Variants in ADCY3 observed in about 807,000 individuals in gnomAD.
The protein encoded by ADCY3 is adenylate cyclase type 3.
A neutral mutation model predicts 119.4 loss-of-function variants in ADCY3; 70 were observed. The observed-to-expected ratio is 0.59, with a 90% CI of 0.48 to 0.72. The LOEUF is 0.72. Ranked by LOEUF, ADCY3 falls within the 30% of genes least tolerant of loss-of-function variation. The probability of loss-of-function intolerance (pLI) is 0.00; values close to 1 mark genes in which losing one functional copy is unlikely to be tolerated. For synonymous variants in ADCY3, 672 were observed against 621.4 expected (o/e 1.08, Z -1.21); for missense variants, 1,238 against 1,541.6 (o/e 0.80, Z 3.30).
In ADCY3 at chr2:24,834,720, A is replaced by G; in HGVS notation, c.1805+74T>C. The G allele has an allele frequency of 6.2e-7, 1 of 1,602,302 alleles. No homozygotes were observed. Among genetic ancestry groups the G allele is most frequent in the South Asian group, 1.1e-5 (1 of 90,730 alleles). ...GCCTAGCAGGGGGGCCGTATTTGGGATGCTCAGTTTCCTGAATCCCTTGTC... is the reference window on the plus strand; with the variant it reads ...GCCTAGCAGGGGGGCCGTATTTGGGGTGCTCAGTTTCCTGAATCCCTTGTC... On this transcript the variant is annotated intron_variant, in intron 10 of 21. Coordinates refer to ENST00000679454, the MANE Select transcript of ADCY3 (RefSeq NM_004036.5). This position sits in a 1 kb window ranked among gnomAD's most constrained non-coding sequence, Gnocchi z 4.2.
Position 24,834,691 on chromosome 2 carries a change from C to T in ADCY3, c.1806-45G>A, listed in dbSNP as rs923434070. 1 of 1,606,418 alleles carries T rather than the reference C, an allele frequency of 6.2e-7. No individual in the cohort carries two copies. The highest frequency in any genetic ancestry group is 1.3e-5 in the African/African-American group (1 of 74,788). ...CATGAATCCCAAATGCCACATCTGC[C>T]TTGGCCTAGCAGGGGGGCCGTATTT... On this transcript the variant is annotated intron_variant, in intron 10 of 21. Coordinates refer to ENST00000679454, the MANE Select transcript of ADCY3 (RefSeq NM_004036.5). The surrounding 1 kb of genome is among the most constrained non-coding windows in gnomAD (Gnocchi z 4.2).
intron 2 of ADCY3, among the ~76,000 whole-genome samples, chr2:24,913,445 G>A (rs1208504513): frequency 6.6e-6 from 1 of 152,204 alleles, no homozygotes; most frequent in Non-Finnish European, 1.5e-5. Flanking sequence ...AGAAAAGTAG[G>A]AGGCCCAGAT....
rs534922261 is a variant in ADCY3, at chr2:24,840,087, C to T, written c.1197-56G>A. The T allele has an allele frequency of 1.6e-4, 251 of 1,561,648 alleles. No homozygotes were observed. The African/African-American group carries it at 3.2e-3, about 20-fold the overall frequency. ...GGTGTGGCCTTCACGAGGCAGCCAG[C>T]TGCCCCTGCTCCTGCAGGAGAAATT... On this transcript the variant is annotated intron_variant, in intron 6 of 21. Coordinates refer to ENST00000679454, the MANE Select transcript of ADCY3 (RefSeq NM_004036.5).
intron 3 of ADCY3, among the ~76,000 whole-genome samples, chr2:24,871,266 G>A (rs1374202215): frequency 1.3e-5 from 2 of 152,148 alleles, no homozygotes; most frequent in African/African-American, 4.8e-5. Flanking sequence ...TACAAGCCAG[G>A]AAAGGAGGAT....
intron 11 of ADCY3, among the ~76,000 whole-genome samples, chr2:24,833,177 C>G: frequency 6.6e-6 from 1 of 152,248 alleles, no homozygotes; most frequent in African/African-American, 2.4e-5. Flanking sequence ...TATGTCACAA[C>G]AGGGGACTCC....
Position 24,822,685 on chromosome 2 carries a change from A to C in ADCY3, c.2884-55T>G, listed in dbSNP as rs547864204. 8 of 1,599,352 alleles carry C rather than the reference A, an allele frequency of 5.0e-6. No homozygotes were observed. In the East Asian group the frequency reaches 1.8e-4, roughly 36 times the overall value. ...AGCAGTCAAGGGAGAGGAATGACCC[A>C]ACCCAGTGACAGATGTACCTGTTTA... On this transcript the variant is annotated intron_variant, in intron 18 of 21. Coordinates refer to ENST00000679454, the MANE Select transcript of ADCY3 (RefSeq NM_004036.5).
In ADCY3 at chr2:24,836,969, C is replaced by T. The variant is rs1670396414; in HGVS notation, c.1610G>A (p.Ser537Asn). The T allele has an allele frequency of 1.2e-6, 2 of 1,614,056 alleles. No individual in the cohort carries two copies. The highest frequency in any genetic ancestry group is 1.7e-6 in the Non-Finnish European group (2 of 1,180,050). The change falls in exon 9 of 22, where the codon AGT becomes AAT. Residue 537 changes from serine (S) to asparagine (N), a missense_variant. Transcript: ENST00000679454. ...ALIETKEPNG[S>N]AHSSGSTSEK... Reference sequence around the variant, plus strand: ...CGACGTGGACCCACTGCTGTGGGCACTCCCGTTGGGCTCCTTGGTCTCAAT... The same window carrying T: ...CGACGTGGACCCACTGCTGTGGGCATTCCCGTTGGGCTCCTTGGTCTCAAT...
chr2:24,827,176 G>C (rs1224172456), intron 15 of ADCY3, among the ~76,000 whole-genome samples: 2 of 152,174 alleles, frequency 1.3e-5, no homozygotes, highest in Non-Finnish European at 2.9e-5. Flanking sequence ...TTCTGGTTCA[G>C]TATCCTCCTC....
chr2:24,827,876 A>C (rs763500351), intron 14 of ADCY3, 26 bp downstream of exon 14: 1 of 1,612,926 alleles, frequency 6.2e-7, no homozygotes, highest in East Asian at 2.2e-5. Flanking sequence ...GAGACAATAC[A>C]GATCCCCAGT....
chr2:24,861,771 G>C (rs1017688228), intron 3 of ADCY3, among the ~76,000 whole-genome samples: 4 of 152,196 alleles, frequency 2.6e-5, no homozygotes, highest in Admixed American at 2.0e-4. Context: ...GAGAGAAGGG[G>C]AAGGATGCAC....
At chr2:24,886,289 A>G (rs576111539) in intron 2 of ADCY3, among the ~76,000 whole-genome samples, 45 of 152,244 alleles carry the variant, frequency 3.0e-4, no homozygotes, top group Non-Finnish European at 5.0e-4. Flanking sequence ...CATGCGCCAA[A>G]GCAAACACAA....
chr2:24,841,329 A>C lies in ADCY3; in HGVS notation c.1126T>G (p.Leu376Val). The C allele has an allele frequency of 6.3e-7, 1 of 1,597,508 alleles. No homozygotes were observed. The change falls in exon 6 of 22, where the codon TTG becomes GTG. Residue 376 changes from leucine (L) to valine (V), a missense_variant. This residue lies in a region of ADCY3 where 283 missense variants were observed against 437.2 expected (regional missense o/e 0.65). Coordinates refer to ENST00000679454, the MANE Select transcript of ADCY3 (RefSeq NM_004036.5). This position sits in a 1 kb window ranked among gnomAD's most constrained non-coding sequence, Gnocchi z 5.8. ...GCGTGGTCCTCCCGGTAGTCGGGCAAGCCGCAGATGCAGTAGTAGCAGTCG... is the reference window on the plus strand; with the variant it reads ...GCGTGGTCCTCCCGGTAGTCGGGCACGCCGCAGATGCAGTAGTAGCAGTCG... ...LGDCYYCICG[L>V]PDYREDHAVC...
rs1393753081 is a variant in ADCY3 at position 24,819,353 on chromosome 2, G to GAAAT, written c.*575_*578dup. ...GATCTGTTTATATATTTTTCTTTCA[G>GAAAT]AAATAAATCCCCCCTCCCCTGCCAG... On this transcript the variant is annotated 3_prime_UTR_variant, in exon 22 of 22. Transcript: ENST00000679454. 1 of 152,602 alleles carries GAAAT rather than the reference G, an allele frequency of 6.6e-6. No individual in the cohort carries two copies. The highest frequency in any genetic ancestry group is 1.5e-5 in the Non-Finnish European group (1 of 68,052). 9.5% of individuals were successfully genotyped at this position (152,602 alleles called of 1,614,324 possible).
At chr2:24,916,798 C>T (rs564788960) in intron 2 of ADCY3, among the ~76,000 whole-genome samples, 207 of 152,254 alleles carry the variant, frequency 1.4e-3, no homozygotes, top group African/African-American at 4.7e-3. Flanking sequence ...GGGGTGGGGA[C>T]GGCAGGGCAG....
chr2:24,821,472 T>C (rs372949579), intron 20 of ADCY3, 45 bp downstream of exon 20: 9 of 1,606,278 alleles, frequency 5.6e-6, no homozygotes, highest in East Asian at 2.2e-5. Flanking sequence ...GGCCCCTGCA[T>C]GGGAAGGGAG....
chr2:24,828,941 T>C (rs1451303872), intron 13 of ADCY3, among the ~76,000 whole-genome samples: 5 of 152,100 alleles, frequency 3.3e-5, no homozygotes, highest in African/African-American at 1.2e-4. Context: ...CTTCCCTGGG[T>C]AGTGGGCACC....
intron 2 of ADCY3, among the ~76,000 whole-genome samples, chr2:24,889,410 G>A (rs558051238): frequency 9.1e-4 from 139 of 152,274 alleles, no homozygotes; most frequent in Non-Finnish European, 1.7e-3. Flanking sequence ...CCATGTTGCC[G>A]GGGCATCACA....
At chr2:24,902,069 T>C (rs1285865987) in intron 2 of ADCY3, among the ~76,000 whole-genome samples, 3 of 145,532 alleles carry the variant, frequency 2.1e-5, no homozygotes, top group Non-Finnish European at 4.5e-5. Flanking sequence ...TGTGTGTGTG[T>C]GTGTGTATTT....
chr2:24,918,797 T>A lies in ADCY3; in HGVS notation c.191A>T (p.Asn64Ile), dbSNP rs541941351. Residue 64 changes from asparagine to isoleucine, a missense_variant, in exon 2 of 22, where the codon AAC becomes ATC. Transcript: ENST00000679454. The surrounding 1 kb of genome is among the most constrained non-coding windows in gnomAD (Gnocchi z 5.4). Reference protein sequence around the residue: ...RLTFVPESLENLYQTYFKRQR... With the variant: ...RLTFVPESLEILYQTYFKRQR... ...CCTTTTGAAGTAGGTCTGGTAGAGG[T>A]TCTCCAAGGACTCCGGCACGAAAGT... 1.1e-4 allele frequency: 172 copies of A among 1,613,400 alleles called. 3 individuals are homozygous for A. In the South Asian group the frequency reaches 1.9e-3, roughly 18 times the overall value.
Sources: allele counts gnomAD v4.1 joint callset (sites outside exome capture counted in the v4.1 genomes callset), GRCh38; gene constraint gnomAD v4.1.1; regional missense constraint gnomAD v4.1.1; non-coding constraint Gnocchi (gnomAD v3.1); transcripts MANE v1.5; gene names NCBI Gene and HGNC (gene_info 2026-07-23, HGNC 2026-07-21).